Variants in QKI observed in about 807,000 individuals in gnomAD.
QKI encodes KH domain-containing RNA-binding protein QKI.
A neutral mutation model predicts 39.0 loss-of-function variants in QKI; 10 were observed. The ratio of observed to expected loss-of-function variants is 0.26; its 90% CI spans 0.16 to 0.43. The LOEUF (loss-of-function observed/expected upper bound fraction) is 0.43, where lower values mean the gene tolerates loss of function less well. Among genes scored for constraint, QKI ranks in the 20% least tolerant of loss-of-function variants. The pLI is 1.00. For synonymous variants in QKI, 204 were observed against 155.4 expected, an observed-to-expected ratio of 1.31 and a Z score of -2.33; for missense variants, 218 against 428.0, an observed-to-expected ratio of 0.51 and a Z score of 4.33.
At chr6:163,416,425 G>GTT in intron 1 of QKI, 1 of 157,624 alleles carries the variant, frequency 6.3e-6, no homozygotes, top group Non-Finnish European at 1.4e-5. Context: ...GAGTTTGTTT[G>GTT]TTTTTTTTTC....
At chr6:163,523,577 G>A (rs1482677264) in intron 3 of QKI, among the ~76,000 whole-genome samples, 1 of 152,118 alleles carries the variant, frequency 6.6e-6, no homozygotes, top group African/African-American at 2.4e-5. Flanking sequence ...TGAGTTTGTA[G>A]TATGTTAATT....
intron 3 of QKI, among the ~76,000 whole-genome samples, chr6:163,525,124 TATA>T (rs1780409651): frequency 6.6e-6 from 1 of 152,228 alleles, no homozygotes; most frequent in Non-Finnish European, 1.5e-5. Context: ...CTCTGGGATT[TATA>T]CCTAAATAAA....
intron 4 of QKI, among the ~76,000 whole-genome samples, chr6:163,536,336 T>G (rs906884165): frequency 2.6e-5 from 4 of 152,226 alleles, no homozygotes; most frequent in African/African-American, 9.6e-5. Context: ...GAAAAAGTTA[T>G]TTAACATCGA....
chr6:163,563,383 C>G (rs779631657), intron 5 of QKI, 37 bp from the exon 6 acceptor site: 16 of 1,523,934 alleles, frequency 1.0e-5, no homozygotes, highest in Non-Finnish European at 1.4e-5. Flanking sequence ...ATACTGCTGT[C>G]TCTATACTTC....
intron 3 of QKI, among the ~76,000 whole-genome samples, chr6:163,508,811 G>C (rs866702162): frequency 4.0e-5 from 6 of 151,782 alleles, no homozygotes; most frequent in East Asian, 2.0e-4. Context: ...TTACAGGCAT[G>C]AGCCACCGTG....
intron 3 of QKI, 110 bp from the exon 4 acceptor site, chr6:163,534,872 C>A: frequency 1.1e-6 from 1 of 926,340 alleles, no homozygotes; most frequent in Non-Finnish European, 1.5e-6. Flanking sequence ...GCCATCATAG[C>A]AAAATAATGC....
At chr6:163,565,865 G>C in intron 6 of QKI, 1 of 1,582,298 alleles carries the variant, frequency 6.3e-7, no homozygotes, top group Non-Finnish European at 8.6e-7. Context: ...AGACATGTGT[G>C]TTGGTAGTAG....
At chr6:163,530,384 T>G (rs1780776801) in intron 3 of QKI, among the ~76,000 whole-genome samples, 1 of 152,206 alleles carries the variant, frequency 6.6e-6, no homozygotes, top group South Asian at 2.1e-4. Context: ...AGTTCAGAAG[T>G]AACCATCCTA....
chr6:163,469,136 A>G (rs1321164530), intron 2 of QKI, among the ~76,000 whole-genome samples: 1 of 152,176 alleles, frequency 6.6e-6, no homozygotes, highest in African/African-American at 2.4e-5. Context: ...CTTTACAAAT[A>G]TTTTTAATTT....
At chr6:163,437,263 C>T (rs1043300333) in intron 1 of QKI, among the ~76,000 whole-genome samples, 1 of 152,046 alleles carries the variant, frequency 6.6e-6, no homozygotes. Context: ...TATACATAAG[C>T]TATATATGTA....
intron 2 of QKI, among the ~76,000 whole-genome samples, chr6:163,471,174 C>T (rs969975486): frequency 1.4e-4 from 21 of 151,994 alleles, no homozygotes; most frequent in African/African-American, 4.6e-4. Context: ...AAAGGAGCAG[C>T]GGGAAGACTT....
intron 3 of QKI, among the ~76,000 whole-genome samples, chr6:163,494,370 A>G (rs995628288): frequency 4.6e-5 from 7 of 152,240 alleles, no homozygotes; most frequent in African/African-American, 1.4e-4. Context: ...ACTAAGGGAC[A>G]ACTGTAGTAA....
rs573433777 is a variant in QKI, at chr6:163,568,891, T to C, written c.1010-1803T>C. The C allele has an allele frequency of 9.1e-6, 9 of 985,848 alleles. No individual in the cohort carries two copies. In the South Asian group the frequency reaches 2.8e-4, roughly 31 times the overall value. The allele number at this position is 985,848 out of a possible 1,614,324, so 61.1% of individuals were successfully genotyped here. On this transcript the variant is annotated intron_variant, in intron 7 of 7. Transcript: ENST00000361752. ...ATGGTCTTGCATGGTGACACACCTG[T>C]GTAGGAGGCCAAGACTTGGCAGAGG...
At chr6:163,489,182 A>C (rs1777891961) in intron 3 of QKI, among the ~76,000 whole-genome samples, 1 of 151,456 alleles carries the variant, frequency 6.6e-6, no homozygotes. Context: ...GCCGTTACAA[A>C]AAGGTATAGT....
chr6:163,499,105 A>G (rs2128230948), intron 3 of QKI, among the ~76,000 whole-genome samples: 2 of 152,314 alleles, frequency 1.3e-5, no homozygotes, highest in South Asian at 2.1e-4. Flanking sequence ...GCATCATGTC[A>G]GTGCTCAAAA....
At position 163,535,020 on chromosome 6, in the gene QKI, A is replaced by G. The variant is rs758398699; in HGVS notation, c.441A>G (p.Leu147=). 25 of 1,611,198 alleles carry G rather than the reference A, an allele frequency of 1.6e-5. No individual in the cohort carries two copies. In the South Asian group the frequency reaches 2.8e-4, roughly 18 times the overall value. ...QNRGKPNWEH[L]NEDLHVLITV... ...GAGGCAAGCCCAATTGGGAGCATCTAAATGAAGATTTACATGTACTAATCA... is the reference window on the plus strand; with the variant it reads ...GAGGCAAGCCCAATTGGGAGCATCTGAATGAAGATTTACATGTACTAATCA... The change falls in exon 4 of 8, where the codon CTA becomes CTG. Residue 147 remains leucine (L), a synonymous_variant. Coordinates refer to ENST00000361752, the MANE Select transcript of QKI (RefSeq NM_006775.3).
chr6:163,527,871 AT>A (rs1459798648), intron 3 of QKI, among the ~76,000 whole-genome samples: 5 of 152,142 alleles, frequency 3.3e-5, no homozygotes, highest in African/African-American at 1.2e-4. Context: ...TTAAGATCTA[AT>A]TTTAGTTTTA....
intron 2 of QKI, among the ~76,000 whole-genome samples, chr6:163,467,512 T>C (rs1413778325): frequency 6.6e-6 from 1 of 152,250 alleles, no homozygotes; most frequent in Non-Finnish European, 1.5e-5. Context: ...ATTTTTGTTT[T>C]GTTTTTACAT....
At chr6:163,429,198 A>G (rs546305858) in intron 1 of QKI, among the ~76,000 whole-genome samples, 74 of 152,284 alleles carry the variant, frequency 4.9e-4, no homozygotes, top group Non-Finnish European at 9.7e-4. Flanking sequence ...AGAAGCTTGA[A>G]TTTCTTTCAG....
Sources: gnomAD v4.1 joint callset for allele counts (sites outside exome capture counted in the v4.1 genomes callset) on GRCh38, gnomAD v4.1.1 for gene constraint, MANE v1.5 for transcripts, NCBI Gene and HGNC (gene_info 2026-07-23, HGNC 2026-07-21) for gene names.